DPH6: variants seen among roughly 807,000 people sequenced by gnomAD.
DPH6 encodes diphthine--ammonia ligase.
DPH6 carries 33 observed loss-of-function variants against 38.2 expected under a neutral mutation model. The observed-to-expected ratio is 0.86, with a 90% CI of 0.65 to 1.15. The LOEUF (loss-of-function observed/expected upper bound fraction) is 1.15. Among genes scored for constraint, DPH6 ranks in the 50% most tolerant of loss-of-function variants. The probability of loss-of-function intolerance (pLI) is 0.00; values close to 1 mark genes in which losing one functional copy is unlikely to be tolerated. For missense variants in DPH6, 325 were observed against 320.0 expected (o/e 1.02, Z -0.12); for synonymous variants, 108 against 103.0 (o/e 1.05, Z -0.30).
intron 6 of DPH6, among the ~76,000 whole-genome samples, chr15:35,402,206 T>C (rs1440201447): frequency 6.6e-6 from 1 of 152,208 alleles, no homozygotes; most frequent in Non-Finnish European, 1.5e-5. Context: ...CAGGTTCTAT[T>C]TGGAATTTAT....
At chr15:35,314,364 G>T (rs926960931) in intron 3 of DPH6, among the ~76,000 whole-genome samples, 1 of 151,994 alleles carries the variant, frequency 6.6e-6, no homozygotes, top group African/African-American at 2.4e-5. Context: ...CTTATTACTT[G>T]ATATATATTT....
chr15:35,439,301 C>T (rs2053756214), intron 5 of DPH6, among the ~76,000 whole-genome samples: 2 of 152,126 alleles, frequency 1.3e-5, no homozygotes, highest in South Asian at 2.1e-4. Flanking sequence ...TTTTCAGAGT[C>T]AAGGCAACTT....
At chr15:35,329,585 A>G (rs1327406854), downstream of DPH6, among the ~76,000 whole-genome samples, 3 of 152,214 alleles carry the variant, frequency 2.0e-5, no homozygotes, top group Non-Finnish European at 4.4e-5. Context: ...ACAGCATGAA[A>G]GAGAACAGGC....
At chr15:35,208,979 A>G in the DPH6 span, among the ~76,000 whole-genome samples, 1 of 152,096 alleles carries the variant, frequency 6.6e-6, no homozygotes, top group South Asian at 2.1e-4. Context: ...TTCACTTTTT[A>G]AATGTGTCAT....
At chr15:35,380,569 T>C (rs1595513862) in intron 7 of DPH6, among the ~76,000 whole-genome samples, 1 of 152,182 alleles carries the variant, frequency 6.6e-6, no homozygotes, top group East Asian at 1.9e-4. Flanking sequence ...ATTTGGTTAG[T>C]CCTATATTAA....
intron 3 of DPH6, among the ~76,000 whole-genome samples, chr15:35,279,820 C>G (rs936625018): frequency 3.3e-5 from 5 of 152,112 alleles, no homozygotes; most frequent in African/African-American, 1.2e-4. Flanking sequence ...TCCCCACCCC[C>G]CAAATTCATA....
rs1491101707 is a variant in DPH6, at chr15:35,436,509, C to CAAAAAAAAAAAAAAAAAAAAAAAA, written c.505+14175_505+14176insTTTTTTTTTTTTTTTTTTTTTTTT. 2.8e-5 allele frequency among the ~76,000 whole-genome samples: 3 copies of CAAAAAAAAAAAAAAAAAAAAAAAA among 107,588 alleles called. 1 individual carries two copies. Among genetic ancestry groups the CAAAAAAAAAAAAAAAAAAAAAAAA allele is most frequent in the Non-Finnish European group, 1.8e-5 (1 of 56,754 alleles). The allele number at this position is 107,588 out of a possible 152,430, so 70.6% of individuals were successfully genotyped here. A position where few individuals can be genotyped will look rare whatever the true frequency, so the allele number is the denominator to read the frequency against. On this transcript the variant is annotated intron_variant, in intron 5 of 8. Coordinates refer to ENST00000256538, the MANE Select transcript of DPH6 (RefSeq NM_080650.4). ...CAAAACAAAACAAAACAAAACAAAA[C>CAAAAAAAAAAAAAAAAAAAAAAAA]AAAACAAAAAAGGTTCTCTCCCTGT... is the stretch of plus-strand genomic sequence containing the variant.
intron 3 of DPH6, among the ~76,000 whole-genome samples, chr15:35,475,250 T>G (rs2054250427): frequency 6.6e-6 from 1 of 152,058 alleles, no homozygotes; most frequent in African/African-American, 2.4e-5. Flanking sequence ...TGCATGTATA[T>G]CCAAGAGATT....
At chr15:35,368,926 A>T (rs1595504599), downstream of DPH6, among the ~76,000 whole-genome samples, 1 of 151,974 alleles carries the variant, frequency 6.6e-6, no homozygotes, top group East Asian at 1.9e-4. Flanking sequence ...CTGGATAAAG[A>T]GGTGAAAAGT....
chr15:35,330,067 T>C (rs1019366613), downstream of DPH6, among the ~76,000 whole-genome samples: 12 of 152,328 alleles, frequency 7.9e-5, no homozygotes, highest in African/African-American at 2.9e-4. Flanking sequence ...CTAAACACTA[T>C]GTTTTAATGA....
chr15:35,348,655 A>G (rs1004176756), intron 3 of DPH6, among the ~76,000 whole-genome samples: 3 of 152,176 alleles, frequency 2.0e-5, no homozygotes, highest in Non-Finnish European at 4.4e-5. Flanking sequence ...GAGATACCAC[A>G]TGAACTTTAG....
intron 3 of DPH6, chr15:35,489,737 A>G (rs2054451688): frequency 1.0e-6 from 1 of 979,982 alleles, no homozygotes. Flanking sequence ...TTTCTGGAAC[A>G]GTATACAGAA....
intron 3 of DPH6, among the ~76,000 whole-genome samples, chr15:35,271,720 A>C (rs138647219): frequency 0.015 from 2,348 of 152,280 alleles, 74 homozygotes; most frequent in Non-Finnish European, 0.014. Flanking sequence ...TGAAACATGG[A>C]ATCTCTGGGG....
the DPH6 span, among the ~76,000 whole-genome samples, chr15:35,211,498 G>C: frequency 3.3e-5 from 5 of 152,146 alleles, no homozygotes; most frequent in Non-Finnish European, 7.3e-5. Context: ...CAGCTGAAGA[G>C]GGGGAGGAGG....
At chr15:35,489,322 GAAAT>G in intron 3 of DPH6, 32 of 985,082 alleles carry the variant, frequency 3.2e-5, no homozygotes, top group Non-Finnish European at 3.7e-5. Context: ...GCAGTGATGA[GAAAT>G]AAGAATTTTT....
chr15:35,418,937 T>G (rs2141009129), intron 5 of DPH6, among the ~76,000 whole-genome samples: 1 of 152,132 alleles, frequency 6.6e-6, no homozygotes, highest in East Asian at 1.9e-4. Context: ...TACTGTAAAA[T>G]CAGTAGGTGA....
chr15:35,520,442 AC>A, intron 3 of DPH6: 7 of 983,578 alleles, frequency 7.1e-6, no homozygotes, highest in Non-Finnish European at 8.5e-6. Flanking sequence ...TATGGACAGC[AC>A]TTAATTAAGT....
chr15:35,247,022 G>C (rs999225725), intron 3 of DPH6, among the ~76,000 whole-genome samples: 3 of 152,194 alleles, frequency 2.0e-5, no homozygotes, highest in Admixed American at 6.5e-5. Flanking sequence ...CAATTTTTAT[G>C]TTAAAACAAA....
the DPH6 span, among the ~76,000 whole-genome samples, chr15:35,157,103 G>C: frequency 6.6e-6 from 1 of 152,154 alleles, no homozygotes; most frequent in Non-Finnish European, 1.5e-5. Context: ...AGGCTGAGAA[G>C]GGTGAATGCA....
Sources: gnomAD v4.1 joint callset for allele counts (sites outside exome capture counted in the v4.1 genomes callset) on GRCh38, gnomAD v4.1.1 for gene constraint, MANE v1.5 for transcripts, NCBI Gene and HGNC (gene_info 2026-07-23, HGNC 2026-07-21) for gene names.